Variants in NVL observed in about 807,000 individuals in gnomAD.
NVL encodes nuclear VCP like.
Under a neutral mutation model 110.2 loss-of-function variants are expected in NVL, and 84 were observed. The observed-to-expected ratio is 0.76, with a 90% CI of 0.64 to 0.91. The LOEUF (loss-of-function observed/expected upper bound fraction) is 0.91, where lower values mean the gene tolerates loss of function less well. NVL is among the 40% of genes least tolerant of loss of function. The probability of loss-of-function intolerance (pLI) is 0.00; values close to 1 mark genes in which losing one functional copy is unlikely to be tolerated. For missense variants in NVL, 882 were observed against 1,035.9 expected (o/e 0.85, Z 2.04); for synonymous variants, 354 against 361.1 (o/e 0.98, Z 0.22).
intron 19 of NVL, among the ~76,000 whole-genome samples, chr1:224,245,710 C>A (rs1306098862): frequency 6.6e-6 from 1 of 151,942 alleles, no homozygotes; most frequent in Non-Finnish European, 1.5e-5. Flanking sequence ...AATCCCAGCA[C>A]TTTGAGAGGC....
intron 2 of NVL, among the ~76,000 whole-genome samples, chr1:224,321,751 A>ATC (rs1670667058): frequency 3.2e-4 from 4 of 12,476 alleles, no homozygotes; most frequent in Non-Finnish European, 6.0e-4. Context: ...GTAAGATTCC[A>ATC]CCTCAAAAAA....
intron 19 of NVL, among the ~76,000 whole-genome samples, chr1:224,239,589 A>G (rs1323140295): frequency 6.6e-6 from 1 of 152,170 alleles, no homozygotes; most frequent in Non-Finnish European, 1.5e-5. Flanking sequence ...GCTGTTAGAC[A>G]ATCTAATCTC....
Position 224,286,121 on chromosome 1 carries a change from G to A in NVL, c.1804C>T (p.Arg602Cys), listed in dbSNP as rs763414115. Reference protein sequence around the residue: ...ELTMAILAPVRNPDQFKALGL... With the variant: ...ELTMAILAPVCNPDQFKALGL... ...AGAGCTTTGAACTGGTCTGGGTTGCGTACTGGTGCCTGGAAATAATGATAC... is the reference window on the plus strand; with the variant it reads ...AGAGCTTTGAACTGGTCTGGGTTGCATACTGGTGCCTGGAAATAATGATAC... The change falls in exon 15 of 23, where the codon CGC becomes TGC. Residue 602 changes from arginine to cysteine, a missense_variant. Physicochemically the swap from Arg to Cys is radical, Grantham distance 180. This residue lies in a region of NVL where 416 missense variants were observed against 499.3 expected (regional missense o/e 0.83). Transcript: ENST00000281701. 21 of 1,612,876 alleles carry A rather than the reference G, an allele frequency of 1.3e-5. No homozygotes were observed. Among genetic ancestry groups the A allele is most frequent in the Middle Eastern group, 1.6e-4 (1 of 6,082 alleles).
chr1:224,266,989 C>T (rs1664558211), intron 18 of NVL, among the ~76,000 whole-genome samples: 1 of 152,192 alleles, frequency 6.6e-6, no homozygotes, highest in Non-Finnish European at 1.5e-5. Flanking sequence ...CAGAATATAA[C>T]TGGTCTTTGC....
chr1:224,326,332 C>T, intron 2 of NVL, 59 bp downstream of exon 2: 4 of 1,296,570 alleles, frequency 3.1e-6, no homozygotes, highest in South Asian at 1.3e-5. Context: ...AGGATATAAA[C>T]TTTTAAAATG....
chr1:224,250,396 G>A, intron 18 of NVL, 78 bp from the exon 19 acceptor site: 1 of 1,299,316 alleles, frequency 7.7e-7, no homozygotes, highest in Non-Finnish European at 1.0e-6. Context: ...AGAGGGTCTT[G>A]TTCCATCTCC....
intron 14 of NVL, among the ~76,000 whole-genome samples, chr1:224,286,875 G>A (rs1666920810): frequency 6.6e-6 from 1 of 152,114 alleles, no homozygotes; most frequent in African/African-American, 2.4e-5. Context: ...ATGGAATGAT[G>A]AGTAGAAAAG....
intron 15 of NVL, among the ~76,000 whole-genome samples, chr1:224,284,312 TAGGAA>T (rs1324109133): frequency 6.6e-6 from 1 of 151,342 alleles, no homozygotes; most frequent in Admixed American, 6.6e-5. Context: ...ATTAGAAAAA[TAGGAA>T]AGGATATGAA....
At chr1:224,326,888 G>C (rs76563458) in intron 1 of NVL, among the ~76,000 whole-genome samples, 6,172 of 151,428 alleles carry the variant, frequency 0.041, 168 homozygotes, top group East Asian at 0.096. Context: ...CCTTTTGGCT[G>C]GGCATGGTGG....
At chr1:224,259,273 T>C (rs983514949) in intron 18 of NVL, among the ~76,000 whole-genome samples, 1 of 152,062 alleles carries the variant, frequency 6.6e-6, no homozygotes, top group African/African-American at 2.4e-5. Context: ...ATGTTTTTGG[T>C]AGAGACGAGG....
At chr1:224,299,558 T>C (rs1035296942) in intron 10 of NVL, among the ~76,000 whole-genome samples, 1 of 152,174 alleles carries the variant, frequency 6.6e-6, no homozygotes, top group East Asian at 1.9e-4. Flanking sequence ...AACACAGAAC[T>C]AACAACCTAA....
intron 17 of NVL, among the ~76,000 whole-genome samples, chr1:224,269,008 G>T (rs1664779387): frequency 6.6e-6 from 1 of 151,114 alleles, no homozygotes; most frequent in African/African-American, 2.4e-5. Context: ...AGGTATTCTA[G>T]ATCTCATTTT....
Position 224,288,978 on chromosome 1 carries a change from T to C in NVL, c.1575+506A>G, listed in dbSNP as rs73130434. 6.1e-3 allele frequency among the ~76,000 whole-genome samples: 929 copies of C among 152,350 alleles called. 9 individuals are homozygous for C. The highest frequency in any genetic ancestry group is 0.021 in the African/African-American group (878 of 41,578). ...GGATATAGTTGTGTCAACAGACCAC[T>C]GTAATCTACCTAACCAAAAGTTAAC... On this transcript the variant is annotated intron_variant, in intron 13 of 22. Coordinates refer to ENST00000281701, the MANE Select transcript of NVL (RefSeq NM_002533.4).
At chr1:224,312,427 A>G (rs1669614801) in intron 4 of NVL, 1 of 152,386 alleles carries the variant, frequency 6.6e-6, no homozygotes, top group Non-Finnish European at 1.5e-5. Flanking sequence ...AATAAACTAC[A>G]AGCTGAGAAT....
At chr1:224,307,532 T>C (rs909097412) in intron 6 of NVL, among the ~76,000 whole-genome samples, 9 of 152,150 alleles carry the variant, frequency 5.9e-5, no homozygotes, top group African/African-American at 1.9e-4. Context: ...CAAAACACCA[T>C]CTCTAGAAAA....
At chr1:224,296,029 G>A (rs1225818032) in intron 11 of NVL, among the ~76,000 whole-genome samples, 1 of 151,314 alleles carries the variant, frequency 6.6e-6, no homozygotes, top group African/African-American at 2.4e-5. Flanking sequence ...TATTTGGGAG[G>A]CTTAAATGGG....
At chr1:224,306,314 T>G (rs1320192811) in intron 6 of NVL, among the ~76,000 whole-genome samples, 1 of 152,086 alleles carries the variant, frequency 6.6e-6, no homozygotes, top group East Asian at 1.9e-4. Flanking sequence ...TCACCCAGGA[T>G]GGAGTGCAGT....
intron 17 of NVL, among the ~76,000 whole-genome samples, 192 bp downstream of exon 17, chr1:224,275,146 GA>G (rs971980406): frequency 7.8e-4 from 118 of 152,178 alleles, no homozygotes; most frequent in Non-Finnish European, 1.5e-3. Context: ...TAATGTACAG[GA>G]AAAAAACTGG....
intron 22 of NVL, 96 bp from the exon 23 acceptor site, chr1:224,227,766 C>T: frequency 9.2e-7 from 1 of 1,087,088 alleles, no homozygotes; most frequent in Non-Finnish European, 1.4e-6. Flanking sequence ...TCCGCACCCG[C>T]AGGACCTCAG....
Sources: gnomAD v4.1 joint callset for allele counts (sites outside exome capture counted in the v4.1 genomes callset) on GRCh38, gnomAD v4.1.1 for gene constraint, gnomAD v4.1.1 regional missense constraint, MANE v1.5 for transcripts, NCBI Gene and HGNC (gene_info 2026-07-23, HGNC 2026-07-21) for gene names.